PTPRZ1: variants seen among roughly 807,000 people sequenced by gnomAD.
The protein encoded by PTPRZ1 is receptor-type tyrosine-protein phosphatase zeta.
A neutral mutation model predicts 214.1 loss-of-function variants in PTPRZ1; 82 were observed. The observed-to-expected ratio is 0.38, with a 90% confidence interval of 0.32 to 0.46. The LOEUF is 0.46. Ranked by LOEUF, PTPRZ1 falls within the 20% of genes least tolerant of loss-of-function variation. The pLI is 1.00. For missense variants in PTPRZ1, 2,603 were observed against 2,748.7 expected (o/e 0.95, Z 1.19); for synonymous variants, 945 against 987.9 (o/e 0.96, Z 0.81).
chr7:121,907,580 A>C (rs1225438681), intron 1 of PTPRZ1, among the ~76,000 whole-genome samples: 1 of 152,036 alleles, frequency 6.6e-6, no homozygotes, highest in African/African-American at 2.4e-5. Context: ...GAATATTTTA[A>C]ATGATTAGAA....
chr7:121,920,174 G>A (rs979684693), intron 1 of PTPRZ1, among the ~76,000 whole-genome samples: 1 of 152,118 alleles, frequency 6.6e-6, no homozygotes, highest in African/African-American at 2.4e-5. Context: ...ATTTGAGTGT[G>A]CCAGTTGTCC....
intron 21 of PTPRZ1, 73 bp downstream of exon 21, chr7:122,041,052 G>A: frequency 7.7e-7 from 1 of 1,295,586 alleles, no homozygotes; most frequent in Non-Finnish European, 1.0e-6. Context: ...ATGGAACAAA[G>A]CTTTTGCCCA....
chr7:121,876,299 G>A lies in PTPRZ1; in HGVS notation c.58+2742G>A, dbSNP rs553618381. ...GCTTAACTATGAGTCATAGAGGAGAGGTAGATATTTTAAGAGCTTTTAAGG... is the reference window on the plus strand; with the variant it reads ...GCTTAACTATGAGTCATAGAGGAGAAGTAGATATTTTAAGAGCTTTTAAGG... On this transcript the variant is annotated intron_variant, in intron 1 of 29. Transcript: ENST00000393386. 7.9e-5 allele frequency among the ~76,000 whole-genome samples: 12 copies of A among 152,238 alleles called. No individual in the cohort carries two copies. In the South Asian group the frequency reaches 2.5e-3, roughly 32 times the overall value.
chr7:122,059,048 T>G (rs1427441340), intron 28 of PTPRZ1, 106 bp downstream of exon 28: 2 of 1,128,632 alleles, frequency 1.8e-6, no homozygotes, highest in African/African-American at 3.2e-5. Flanking sequence ...CTGTGATGAT[T>G]CAGCCATGGT....
intron 13 of PTPRZ1, among the ~76,000 whole-genome samples, chr7:122,023,656 ATT>A (rs1211745164): frequency 7.6e-6 from 1 of 131,794 alleles, no homozygotes; most frequent in Non-Finnish European, 1.6e-5. Flanking sequence ...AATTATATAT[ATT>A]ATATGTATAA....
chr7:121,928,218 A>T lies in PTPRZ1; in HGVS notation c.121A>T (p.Thr41Ser). ...KLVEEIGWSY[T>S]GALNQKNWGK... ...TGTTGAAGAGATTGGCTGGTCCTAT[A>T]CAGGTAAACATATTACTTATATAAT... The change falls in exon 2 of 30, where the codon ACA (threonine) becomes TCA (serine). Residue 41 changes from threonine (T) to serine (S), a missense_variant. Thr to Ser is a moderately conservative substitution (Grantham distance 58). This residue lies in a region of PTPRZ1 where 141 missense variants were observed against 143.7 expected (regional missense o/e 0.98). Coordinates refer to ENST00000393386, the MANE Select transcript of PTPRZ1 (RefSeq NM_002851.3). 1 of 1,601,672 alleles carries T rather than the reference A, an allele frequency of 6.2e-7. No homozygotes were observed. Among genetic ancestry groups the T allele is most frequent in the Non-Finnish European group, 8.5e-7 (1 of 1,169,958 alleles).
At chr7:121,973,713 C>T (rs1257218594) in intron 4 of PTPRZ1, among the ~76,000 whole-genome samples, 2 of 152,024 alleles carry the variant, frequency 1.3e-5, no homozygotes, top group Admixed American at 1.3e-4. Context: ...ATGGGCAGAT[C>T]ACTAGAGGTC....
At chr7:122,024,572 C>T (rs780496934) in intron 13 of PTPRZ1, among the ~76,000 whole-genome samples, 3 of 151,986 alleles carry the variant, frequency 2.0e-5, no homozygotes, top group African/African-American at 2.4e-5. Flanking sequence ...TGACCTTCAT[C>T]CATAATTTAG....
intron 1 of PTPRZ1, among the ~76,000 whole-genome samples, chr7:121,898,259 T>C (rs1554426293): frequency 1.1e-5 from 1 of 90,538 alleles, no homozygotes. Flanking sequence ...AATAATGTGA[T>C]GGGTTTTTTT....
chr7:121,921,504 A>C (rs143016711), intron 1 of PTPRZ1, among the ~76,000 whole-genome samples: 1 of 152,050 alleles, frequency 6.6e-6, no homozygotes, highest in African/African-American at 2.4e-5. Flanking sequence ...TGATTTTACC[A>C]TTTTGATTAT....
rs1262005807 is a variant in PTPRZ1 at position 121,966,975 on chromosome 7, CT to C, written c.125-974del. 3 of 152,256 alleles carry C rather than the reference CT, an allele frequency of 2.0e-5. No homozygotes were observed. The East Asian group carries it at 5.8e-4, about 29-fold the overall frequency. 9.4% of individuals were successfully genotyped at this position (152,256 alleles called of 1,614,324 possible). Reference sequence around the variant, plus strand: ...AAACTACACTGCCACTCCTTTCTTCCTTGTGATGGCCATGGAAATGCTAGCG... The same window carrying C: ...AAACTACACTGCCACTCCTTTCTTCCTGTGATGGCCATGGAAATGCTAGCG... On this transcript the variant is annotated intron_variant, in intron 2 of 29. Coordinates refer to ENST00000393386, the MANE Select transcript of PTPRZ1 (RefSeq NM_002851.3).
At chr7:122,023,826 A>ATT (rs1437215338) in intron 13 of PTPRZ1, among the ~76,000 whole-genome samples, 4 of 119,642 alleles carry the variant, frequency 3.3e-5, no homozygotes, top group Non-Finnish European at 6.5e-5. Flanking sequence ...TATATGTATA[A>ATT]TTTTATATAT....
chr7:122,012,711 T>C lies in PTPRZ1; in HGVS notation c.3665T>C (p.Leu1222Ser). The change falls in exon 12 of 30, where the codon TTG becomes TCG. Residue 1222 changes from leucine to serine, a missense_variant. Physicochemically the swap from Leu to Ser is moderately radical, Grantham distance 145. Coordinates refer to ENST00000393386, the MANE Select transcript of PTPRZ1 (RefSeq NM_002851.3). ...PKVDKISSTM[L>S]HLIVSNSASS... Reference sequence around the variant, plus strand: ...GTTGATAAAATTAGTTCTACAATGTTGCATCTCATTGTATCAAATTCTGCT... The same window carrying C: ...GTTGATAAAATTAGTTCTACAATGTCGCATCTCATTGTATCAAATTCTGCT... The C allele has an allele frequency of 6.2e-7, 1 of 1,605,630 alleles. No individual in the cohort carries two copies.
chr7:121,935,041 G>T (rs534139970), intron 2 of PTPRZ1, among the ~76,000 whole-genome samples: 1 of 152,070 alleles, frequency 6.6e-6, no homozygotes, highest in Non-Finnish European at 1.5e-5. Flanking sequence ...TCATTCCACC[G>T]TGTATCCATA....
chr7:121,965,707 T>G (rs1797029218), intron 2 of PTPRZ1, among the ~76,000 whole-genome samples: 1 of 152,192 alleles, frequency 6.6e-6, no homozygotes, highest in South Asian at 2.1e-4. Context: ...ACAGGATGAT[T>G]ACATCATAGG....
Position 121,891,105 on chromosome 7 carries a change from C to T in PTPRZ1, c.58+17548C>T, listed in dbSNP as rs180996382. Among the ~76,000 whole-genome samples the T allele has an allele frequency of 1.9e-3, 294 of 152,168 alleles. 1 individual carries two copies. Among genetic ancestry groups the T allele is most frequent in the Admixed American group, 3.3e-3 (51 of 15,270 alleles). The stretch of plus-strand genomic sequence containing the variant: ...TTTCAACGCCTTTGTTGTTGCTGTT[C>T]TCTCCATTTGGAATGCCTTTCTTTT... On this transcript the variant is annotated intron_variant, in intron 1 of 29. Coordinates refer to ENST00000393386, the MANE Select transcript of PTPRZ1 (RefSeq NM_002851.3).
rs537009991 is a variant in PTPRZ1, at chr7:121,952,452, G to A, written c.125-15499G>A. The stretch of plus-strand genomic sequence containing the variant: ...ATTTTAAAAATTAGCTAGGCGTGGT[G>A]GCACATGCCTGTAGTCTCAGCTACT... On this transcript the variant is annotated intron_variant, in intron 2 of 29. Transcript: ENST00000393386. Among the ~76,000 whole-genome samples, 7 of 152,154 alleles carry A rather than the reference G, an allele frequency of 4.6e-5. No homozygotes were observed. The East Asian group carries it at 1.2e-3, about 25-fold the overall frequency.
chr7:122,007,834 A>G (rs1798538218), intron 11 of PTPRZ1, among the ~76,000 whole-genome samples: 1 of 152,152 alleles, frequency 6.6e-6, no homozygotes, highest in South Asian at 2.1e-4. Flanking sequence ...ATTGTAGGAA[A>G]GAGTATTTGT....
intron 10 of PTPRZ1, among the ~76,000 whole-genome samples, chr7:122,003,338 G>T (rs907860361): frequency 1.3e-5 from 2 of 152,154 alleles, no homozygotes; most frequent in African/African-American, 4.8e-5. Context: ...GTTGTTTAGG[G>T]TAAGTAATTT....
Sources: gnomAD v4.1 joint callset for allele counts (sites outside exome capture counted in the v4.1 genomes callset) on GRCh38, gnomAD v4.1.1 for gene constraint, gnomAD v4.1.1 regional missense constraint, MANE v1.5 for transcripts, NCBI Gene and HGNC (gene_info 2026-07-23, HGNC 2026-07-21) for gene names.